The following CNBD1 variants were observed in gnomAD, a reference collection of about 807,000 sequenced individuals.
CNBD1 encodes the protein cyclic nucleotide-binding domain-containing protein 1.
A neutral mutation model predicts 54.4 loss-of-function variants in CNBD1; 71 were observed. The ratio of observed to expected loss-of-function variants is 1.30; its 90% CI spans 1.08 to 1.59. The LOEUF (loss-of-function observed/expected upper bound fraction) is 1.59. Among genes scored for constraint, CNBD1 ranks in the 40% most tolerant of loss-of-function variants. The probability of loss-of-function intolerance (pLI) is 0.00; values close to 1 mark genes in which losing one functional copy is unlikely to be tolerated. For synonymous variants in CNBD1, 182 were observed against 170.7 expected, an observed-to-expected ratio of 1.07 and a Z score of -0.51; for missense variants, 659 against 518.0, an observed-to-expected ratio of 1.27 and a Z score of -2.64.
At chr8:87,264,182 G>A (rs941392742) in intron 6 of CNBD1, among the ~76,000 whole-genome samples, 4 of 149,810 alleles carry the variant, frequency 2.7e-5, no homozygotes, top group East Asian at 2.0e-4. Flanking sequence ...GGAGTGTGAT[G>A]TTCCCCTTCC....
intron 2 of CNBD1, among the ~76,000 whole-genome samples, chr8:87,420,094 A>T (rs1046049417): frequency 3.3e-5 from 5 of 151,782 alleles, no homozygotes; most frequent in African/African-American, 9.7e-5. Context: ...AAGTGTTAAT[A>T]TACCTTACCA....
intron 8 of CNBD1, among the ~76,000 whole-genome samples, chr8:87,292,578 C>T (rs1808808225): frequency 6.6e-6 from 1 of 152,092 alleles, no homozygotes; most frequent in African/African-American, 2.4e-5. Context: ...ATTAATACAA[C>T]TGTAAGAAAA....
intron 2 of CNBD1, among the ~76,000 whole-genome samples, chr8:87,424,112 T>C (rs187463010): frequency 0.015 from 2,237 of 152,148 alleles, 56 homozygotes; most frequent in African/African-American, 0.048. Flanking sequence ...TCTGTGGGAT[T>C]GGTGGTGATA....
At chr8:87,118,689 A>T (rs752370876) in intron 4 of CNBD1, among the ~76,000 whole-genome samples, 14 of 152,188 alleles carry the variant, frequency 9.2e-5, no homozygotes, top group Non-Finnish European at 1.9e-4. Flanking sequence ...GGATCAAATG[A>T]ACGTTCGTTA....
At chr8:87,339,345 T>C (rs1283905947) in intron 8 of CNBD1, among the ~76,000 whole-genome samples, 1 of 78,598 alleles carries the variant, frequency 1.3e-5, no homozygotes, top group African/African-American at 3.3e-5. Flanking sequence ...CTCCAACAAT[T>C]TGTCAGTTAC....
intron 4 of CNBD1, among the ~76,000 whole-genome samples, chr8:87,160,177 GA>G (rs1488840641): frequency 1.3e-5 from 2 of 151,810 alleles, no homozygotes; most frequent in Non-Finnish European, 2.9e-5. Flanking sequence ...ATAGTATTGT[GA>G]AAAAACTTAT....
intron 4 of CNBD1, among the ~76,000 whole-genome samples, chr8:86,962,361 G>A (rs1301161691): frequency 1.3e-5 from 2 of 152,180 alleles, no homozygotes; most frequent in South Asian, 2.1e-4. Context: ...TTTAACTATA[G>A]CACCCCTTTT....
intron 4 of CNBD1, among the ~76,000 whole-genome samples, chr8:87,117,595 G>A (rs1811801688): frequency 6.6e-6 from 1 of 152,044 alleles, no homozygotes; most frequent in Non-Finnish European, 1.5e-5. Flanking sequence ...TTTATTTACT[G>A]CTGGTCTTTC....
At chr8:87,076,965 T>A (rs926052763) in intron 4 of CNBD1, among the ~76,000 whole-genome samples, 1 of 152,244 alleles carries the variant, frequency 6.6e-6, no homozygotes, top group Non-Finnish European at 1.5e-5. Context: ...ATTTTGACTT[T>A]GTTGACATTA....
intron 4 of CNBD1, among the ~76,000 whole-genome samples, chr8:87,137,703 A>T (rs950739191): frequency 2.6e-5 from 4 of 152,114 alleles, no homozygotes; most frequent in African/African-American, 9.7e-5. Context: ...TTACTTCCTT[A>T]TTTAATAAGA....
At chr8:87,332,445 A>G (rs1436358743) in intron 8 of CNBD1, among the ~76,000 whole-genome samples, 1 of 152,024 alleles carries the variant, frequency 6.6e-6, no homozygotes, top group Non-Finnish European at 1.5e-5. Flanking sequence ...TCATAATAAA[A>G]GATTTACCCA....
intron 2 of CNBD1, among the ~76,000 whole-genome samples, chr8:87,398,002 T>G (rs1205141038): frequency 6.6e-6 from 1 of 151,978 alleles, no homozygotes; most frequent in Admixed American, 6.6e-5. Flanking sequence ...CATGTGGAAC[T>G]GTAAGTCCAA....
At chr8:87,173,236 A>ATTT (rs2130770404) in intron 4 of CNBD1, among the ~76,000 whole-genome samples, 2 of 152,226 alleles carry the variant, frequency 1.3e-5, no homozygotes, top group South Asian at 4.1e-4. Context: ...TCTCATTGTA[A>ATTT]TGTCTATGTC....
At chr8:86,938,312 C>T (rs1260743460) in intron 3 of CNBD1, among the ~76,000 whole-genome samples, 1 of 152,206 alleles carries the variant, frequency 6.6e-6, no homozygotes, top group African/African-American at 2.4e-5. Context: ...CCCACATCCT[C>T]TTGTCTTCTT....
intron 7 of CNBD1, among the ~76,000 whole-genome samples, chr8:87,285,090 C>T (rs2130870221): frequency 7.1e-6 from 1 of 141,508 alleles, no homozygotes; most frequent in South Asian, 2.1e-4. Context: ...TTCATTCATT[C>T]ACTCACTCAT....
At chr8:87,017,795 C>G (rs922274600) in intron 4 of CNBD1, among the ~76,000 whole-genome samples, 2 of 152,126 alleles carry the variant, frequency 1.3e-5, no homozygotes, top group African/African-American at 2.4e-5. Context: ...ATTTCCCTTT[C>G]TAAGTCCTCC....
chr8:86,969,638 T>A (rs1808172984), intron 4 of CNBD1, among the ~76,000 whole-genome samples: 1 of 151,894 alleles, frequency 6.6e-6, no homozygotes. Flanking sequence ...ACACATGGAG[T>A]CTCACAAACT....
chr8:86,963,385 C>A (rs80224687), intron 4 of CNBD1, among the ~76,000 whole-genome samples: 14,643 of 152,200 alleles, frequency 0.096, 771 homozygotes, highest in African/African-American at 0.13. Context: ...CTTCGACTCC[C>A]GCTGTCATCT....
At chr8:87,333,150 C>G (rs909976983) in intron 8 of CNBD1, among the ~76,000 whole-genome samples, 2 of 152,084 alleles carry the variant, frequency 1.3e-5, no homozygotes, top group Non-Finnish European at 2.9e-5. Context: ...AATGGGAGTT[C>G]ATTCATGATT....
Sources: allele counts gnomAD v4.1 joint callset (sites outside exome capture counted in the v4.1 genomes callset), GRCh38; gene constraint gnomAD v4.1.1; transcripts MANE v1.5; gene names NCBI Gene and HGNC (gene_info 2026-07-23, HGNC 2026-07-21).